Variants in RALGPS2 observed in about 807,000 individuals in gnomAD.
The protein encoded by RALGPS2 is Ral GEF with PH domain and SH3 binding motif 2.
A neutral mutation model predicts 86.8 loss-of-function variants in RALGPS2; 43 were observed. That is an observed-to-expected ratio of 0.50 (90% CI 0.39 to 0.64). The LOEUF (loss-of-function observed/expected upper bound fraction) is 0.64. RALGPS2 is among the 30% of genes least tolerant of loss of function. The pLI is 0.00. For missense variants in RALGPS2, 536 were observed against 694.6 expected, an observed-to-expected ratio of 0.77 and a Z score of 2.57; for synonymous variants, 243 against 231.3, an observed-to-expected ratio of 1.05 and a Z score of -0.46.
chr1:178,907,365 G>A (rs1334202251), intron 19 of RALGPS2, among the ~76,000 whole-genome samples: 1 of 152,128 alleles, frequency 6.6e-6, no homozygotes, highest in Non-Finnish European at 1.5e-5. Context: ...AAATTAGATG[G>A]CATATTAAAT....
At chr1:178,730,665 CT>C (rs78406432) in intron 1 of RALGPS2, among the ~76,000 whole-genome samples, 12,054 of 149,900 alleles carry the variant, frequency 0.08, 502 homozygotes, top group African/African-American at 0.1. Flanking sequence ...ATAATTGTGA[CT>C]TCCCTTCATC....
chr1:178,769,227 C>G (rs1291598541), intron 1 of RALGPS2, among the ~76,000 whole-genome samples: 2 of 150,710 alleles, frequency 1.3e-5, no homozygotes, highest in African/African-American at 4.9e-5. Flanking sequence ...CTGAAGCAGG[C>G]AAGTGAGTGC....
intron 5 of RALGPS2, among the ~76,000 whole-genome samples, chr1:178,810,835 T>C (rs1422491110): frequency 1.3e-5 from 2 of 152,072 alleles, no homozygotes; most frequent in African/African-American, 4.8e-5. Flanking sequence ...GTGAACCAAC[T>C]TACAGTGCTT....
At chr1:178,767,627 G>C (rs1652578249) in intron 1 of RALGPS2, among the ~76,000 whole-genome samples, 1 of 152,164 alleles carries the variant, frequency 6.6e-6, no homozygotes, top group South Asian at 2.1e-4. Flanking sequence ...GGTTGTGCCT[G>C]CCTACGGAAT....
intron 13 of RALGPS2, among the ~76,000 whole-genome samples, chr1:178,888,744 G>A (rs539212888): frequency 6.6e-6 from 1 of 152,056 alleles, no homozygotes; most frequent in Non-Finnish European, 1.5e-5. Context: ...TTGCAAACCC[G>A]TAGAAGGGTA....
At chr1:178,741,458 G>A (rs1471071081) in intron 1 of RALGPS2, among the ~76,000 whole-genome samples, 1 of 152,126 alleles carries the variant, frequency 6.6e-6, no homozygotes, top group Non-Finnish European at 1.5e-5. Context: ...GTCTCAGTTT[G>A]TTGTTACTGT....
At chr1:178,727,255 G>C (rs911641292) in intron 1 of RALGPS2, among the ~76,000 whole-genome samples, 1 of 151,342 alleles carries the variant, frequency 6.6e-6, no homozygotes, top group Non-Finnish European at 1.5e-5. Flanking sequence ...TTTTAAGATA[G>C]GTTCTCCTTA....
At chr1:178,894,942 A>G (rs999137269) in intron 16 of RALGPS2, among the ~76,000 whole-genome samples, 30 of 152,078 alleles carry the variant, frequency 2.0e-4, no homozygotes, top group African/African-American at 7.2e-4. Flanking sequence ...ATAAAGAGTA[A>G]CAACCCTAAA....
At chr1:178,775,286 C>T (rs1653024340) in intron 1 of RALGPS2, among the ~76,000 whole-genome samples, 2 of 152,138 alleles carry the variant, frequency 1.3e-5, no homozygotes, top group South Asian at 4.1e-4. Context: ...TAATGTGGTT[C>T]CAAAATTTGT....
At chr1:178,864,857 A>G in intron 8 of RALGPS2, 2 of 813,384 alleles carry the variant, frequency 2.5e-6, no homozygotes, top group Non-Finnish European at 3.4e-6. Context: ...CATATATAAC[A>G]TCGCAAAATG....
rs1164275916 is a variant in RALGPS2 at position 178,919,759 on chromosome 1, C to T, written c.*3400C>T. ...AATAGATCTGGTATTGATTTCCTTC[C>T]TGTTTTTTTGAGGCACATTCCTTTA... On this transcript the variant is annotated 3_prime_UTR_variant, in exon 20 of 20. Coordinates refer to ENST00000367635, the MANE Select transcript of RALGPS2 (RefSeq NM_152663.5). 6.6e-6 allele frequency: 1 copy of T among 151,952 alleles called. No homozygotes were observed. The highest frequency in any genetic ancestry group is 2.4e-5 in the African/African-American group (1 of 41,408). 9.4% of individuals were successfully genotyped at this position (151,952 alleles called of 1,614,324 possible).
At chr1:178,760,979 CTTTTTTT>C (rs200598214) in intron 1 of RALGPS2, among the ~76,000 whole-genome samples, 4 of 138,096 alleles carry the variant, frequency 2.9e-5, no homozygotes, top group African/African-American at 1.1e-4. Context: ...AGACTTTATT[CTTTTTTT>C]TTTTTTTTTT....
intron 1 of RALGPS2, among the ~76,000 whole-genome samples, chr1:178,770,666 AG>A (rs1652758175): frequency 6.6e-6 from 1 of 151,582 alleles, no homozygotes; most frequent in Non-Finnish European, 1.5e-5. Context: ...TAGTAGAGAC[AG>A]GGTTTCACCA....
intron 4 of RALGPS2, among the ~76,000 whole-genome samples, chr1:178,795,461 A>G (rs570524297): frequency 3.1e-4 from 47 of 152,100 alleles, no homozygotes; most frequent in Admixed American, 8.5e-4. Flanking sequence ...TGCCCAGGCT[A>G]GAGTGCAGTG....
rs1572449822 is a variant in RALGPS2 at position 178,885,104 on chromosome 1, T to C, written c.933T>C (p.Ser311=). Residue 311 remains serine, a synonymous_variant, in exon 12 of 20, where the codon AGT becomes AGC. Transcript: ENST00000367635. ...VGPEVGASPQ[S]GRKSVAAEGA... ...CTGAAGTAGGAGCGTCTCCACAGAG[T>C]GGACGAAAAAGTGTGGCAGCTGAAG... is the stretch of plus-strand genomic sequence containing the variant. 2 of 1,608,290 alleles carry C rather than the reference T, an allele frequency of 1.2e-6. No homozygotes were observed. The highest frequency in any genetic ancestry group is 3.4e-5 in the Admixed American group (2 of 58,320).
At chr1:178,910,330 G>T (rs1660573060) in intron 19 of RALGPS2, among the ~76,000 whole-genome samples, 1 of 152,152 alleles carries the variant, frequency 6.6e-6, no homozygotes. Context: ...GGGCATCCTT[G>T]TCCTGTTCCA....
At position 178,892,283 on chromosome 1, in the gene RALGPS2, A is replaced by G. The variant is rs373862016; in HGVS notation, c.1301A>G (p.Tyr434Cys). The G allele has an allele frequency of 8.2e-5, 132 of 1,612,550 alleles. No individual in the cohort carries two copies. The highest frequency in any genetic ancestry group is 1.1e-4 in the Non-Finnish European group (125 of 1,179,046). Residue 434 changes from tyrosine (Y) to cysteine (C), a missense_variant, in exon 15 of 20, where the codon TAT becomes TGT. By Grantham distance (194) the Tyr-to-Cys change is radical (BLOSUM62 -2). Around this residue, in one of 3 missense-constraint regions of RALGPS2, gnomAD observed 309 missense variants for 363.0 expected, o/e 0.85. Coordinates refer to ENST00000367635, the MANE Select transcript of RALGPS2 (RefSeq NM_152663.5). ...GPVTRVARNGYRSHMKASSSA... is the reference protein window; with the variant it reads ...GPVTRVARNGCRSHMKASSSA... Reference sequence around the variant, plus strand: ...GTGACAAGAGTGGCACGAAATGGCTATCGAAGTCACATGAAGGCCAGCAGG... The same window carrying G: ...GTGACAAGAGTGGCACGAAATGGCTGTCGAAGTCACATGAAGGCCAGCAGG...
At chr1:178,775,945 G>A (rs1653062238) in intron 1 of RALGPS2, among the ~76,000 whole-genome samples, 1 of 149,106 alleles carries the variant, frequency 6.7e-6, no homozygotes, top group East Asian at 2.0e-4. Flanking sequence ...AAGGATGGTT[G>A]CATCTGTACT....
At chr1:178,848,044 C>A (rs1029759873) in intron 8 of RALGPS2, among the ~76,000 whole-genome samples, 8 of 152,182 alleles carry the variant, frequency 5.3e-5, no homozygotes, top group African/African-American at 1.7e-4. Flanking sequence ...CACAGTGGCT[C>A]ACACCTGTAA....
Sources: allele counts gnomAD v4.1 joint callset (sites outside exome capture counted in the v4.1 genomes callset), GRCh38; gene constraint gnomAD v4.1.1; regional missense constraint gnomAD v4.1.1; transcripts MANE v1.5; gene names NCBI Gene and HGNC (gene_info 2026-07-23, HGNC 2026-07-21).